The following TREM2 variants were observed in gnomAD, a reference collection of about 807,000 sequenced individuals.
TREM2 encodes triggering receptor expressed on monocytes 2.
Under a neutral mutation model 22.9 loss-of-function variants are expected in TREM2, and 20 were observed. The ratio of observed to expected loss-of-function variants is 0.87; its 90% CI spans 0.61 to 1.27. The LOEUF (loss-of-function observed/expected upper bound fraction) is 1.27. TREM2 is among the 50% of genes most tolerant of loss of function. TREM2 has a pLI of 0.00. For missense variants in TREM2, 267 were observed against 289.0 expected, an observed-to-expected ratio of 0.92 and a Z score of 0.55; for synonymous variants, 111 against 120.9, an observed-to-expected ratio of 0.92 and a Z score of 0.54.
intron 2 of TREM2, 52 bp downstream of exon 2, chr6:41,161,211 A>C (rs2113879785): frequency 6.4e-7 from 1 of 1,563,126 alleles, no homozygotes; most frequent in East Asian, 2.3e-5. Context: ...GACGCCCAAA[A>C]CATGAGGCCT....
chr6:41,161,266 C>G lies in TREM2; in HGVS notation c.388G>C (p.Ala130Pro). ...TLRKVLVEVL[A>P]DPLDHRDAGD... ...GAGGCAGCCACTGCCCACTCACCTG[C>G]CAGCACCTCCACCAGGACCTTCCTG... The change falls in exon 2 of 5, where the codon GCA (alanine) becomes CCA (proline). Residue 130 changes from alanine (A) to proline (P), a missense_variant. Ala to Pro is a conservative substitution (Grantham distance 27). Transcript: ENST00000373113. 6.2e-7 allele frequency: 1 copy of G among 1,613,676 alleles called. No individual in the cohort carries two copies. The highest frequency in any genetic ancestry group is 8.5e-7 in the Non-Finnish European group (1 of 1,179,800).
chr6:41,159,098 T>A (rs772742558), intron 3 of TREM2, 32 bp from the exon 4 acceptor site: 9 of 1,593,800 alleles, frequency 5.6e-6, no homozygotes, highest in Non-Finnish European at 4.3e-6. Flanking sequence ...ATGGGAGCCT[T>A]GAGATGGCCT....
chr6:41,159,968 G>T, intron 2 of TREM2, 86 bp from the exon 3 acceptor site: 1 of 1,074,388 alleles, frequency 9.3e-7, no homozygotes, highest in Non-Finnish European at 1.4e-6. Flanking sequence ...TATGGGTGGG[G>T]TGAGGTCCCC....
intron 1 of TREM2, among the ~76,000 whole-genome samples, chr6:41,161,843 A>G (rs1465923906): frequency 6.6e-6 from 1 of 152,104 alleles, no homozygotes; most frequent in Non-Finnish European, 1.5e-5. Context: ...TGGAGAAGTA[A>G]CTGACCTTCT....
chr6:41,158,667 A>G lies in TREM2; in HGVS notation c.*97T>C, dbSNP rs1439075848. On this transcript the variant is annotated 3_prime_UTR_variant, in exon 5 of 5. Coordinates refer to ENST00000373113, the MANE Select transcript of TREM2 (RefSeq NM_018965.4). ...TTCAGGCAGAGTAGTCTCTTGCCAGAGCAGAACAAGGAGTCCTGGTGGCCA... is the reference window on the plus strand; with the variant it reads ...TTCAGGCAGAGTAGTCTCTTGCCAGGGCAGAACAAGGAGTCCTGGTGGCCA... 5.6e-6 allele frequency: 9 copies of G among 1,611,940 alleles called. No individual in the cohort carries two copies. In the South Asian group the frequency reaches 9.9e-5, roughly 18 times the overall value.
At chr6:41,158,825 C>A in intron 4 of TREM2, 45 bp from the exon 5 acceptor site, 1 of 1,614,188 alleles carries the variant, frequency 6.2e-7, no homozygotes, top group Non-Finnish European at 8.5e-7. Flanking sequence ...GGCACCGCCT[C>A]CCATCCCTGC....
intron 2 of TREM2, 25 bp downstream of exon 2, chr6:41,161,238 A>G (rs773776996): frequency 4.4e-6 from 7 of 1,603,156 alleles, no homozygotes; most frequent in East Asian, 4.5e-5. Context: ...GGGGCAGGCC[A>G]GAGAGGCAGC....
chr6:41,158,956 C>T lies in TREM2; in HGVS notation c.593G>A (p.Trp198Ter), dbSNP rs1228661369. 1 of 1,614,204 alleles carries T rather than the reference C, an allele frequency of 6.2e-7. No individual in the cohort carries two copies. The highest frequency in any genetic ancestry group is 1.3e-5 in the African/African-American group (1 of 75,050). ...LAASALWAAA[W>*]HGQKPGTHPP... Reference sequence around the variant, plus strand: ...ATGTGTCCCTGGCTTCTGTCCATGCCAGGCTGCAGCCCAGAGGGCGCTGGC... The same window carrying T: ...ATGTGTCCCTGGCTTCTGTCCATGCTAGGCTGCAGCCCAGAGGGCGCTGGC... Residue 198 changes from tryptophan (W) to a stop codon, truncating the protein, a stop_gained, in exon 4 of 5, where the codon TGG (tryptophan) becomes TAG (stop). Coordinates refer to ENST00000373113, the MANE Select transcript of TREM2 (RefSeq NM_018965.4). LOFTEE classifies it high-confidence loss of function.
At chr6:41,159,199 C>T (rs1765496218) in intron 3 of TREM2, 133 bp from the exon 4 acceptor site, 1 of 1,117,604 alleles carries the variant, frequency 8.9e-7, no homozygotes, top group African/African-American at 1.6e-5. Context: ...CTGGGATGGG[C>T]CTTTTTGGAG....
rs753325601 is a variant in TREM2 at position 41,161,515 on chromosome 6, G to C, written c.139C>G (p.Arg47Gly). 6 of 1,614,034 alleles carry C rather than the reference G, an allele frequency of 3.7e-6. No homozygotes were observed. The highest frequency in any genetic ancestry group is 1.1e-5 in the South Asian group (1 of 91,090). The change falls in exon 2 of 5, where the codon CGC becomes GGC. Residue 47 changes from arginine (R) to glycine (G), a missense_variant. Physicochemically the swap from Arg to Gly is moderately radical, Grantham distance 125 (BLOSUM62 -2). Coordinates refer to ENST00000373113, the MANE Select transcript of TREM2 (RefSeq NM_018965.4). Reference sequence around the variant, plus strand: ...CCCAGCTGGCGGCACCAGGCCTTGCGCCTCCCCCAGTGCTTCATGGAGTCA... The same window carrying C: ...CCCAGCTGGCGGCACCAGGCCTTGCCCCTCCCCCAGTGCTTCATGGAGTCA... ...PYDSMKHWGR[R>G]KAWCRQLGEK... is the part of the protein sequence containing the mutation.
At chr6:41,162,743 C>T (rs1765600361) in intron 1 of TREM2, among the ~76,000 whole-genome samples, 1 of 152,172 alleles carries the variant, frequency 6.6e-6, no homozygotes, top group Non-Finnish European at 1.5e-5. Flanking sequence ...CCCCCAACTG[C>T]CAGCTAGTGC....
chr6:41,160,012 A>G (rs934622149), intron 2 of TREM2, 130 bp from the exon 3 acceptor site: 2 of 712,822 alleles, frequency 2.8e-6, no homozygotes, highest in Non-Finnish European at 5.0e-6. Flanking sequence ...AGGTCATTAC[A>G]CTCCATAAGC....
In TREM2 at chr6:41,158,893, T is replaced by C; in HGVS notation, c.656A>G (p.Tyr219Cys). 1 of 1,614,252 alleles carries C rather than the reference T, an allele frequency of 6.2e-7. No homozygotes were observed. The highest frequency in any genetic ancestry group is 8.5e-7 in the Non-Finnish European group (1 of 1,180,044). The change falls in exon 4 of 5, where the codon TAT becomes TGT. Residue 219 changes from tyrosine to cysteine, a missense_variant. Transcript: ENST00000373113. ...CCCACCTGGCAGAGTTTGGAGCTGA[T>C]ACCCTGGGTCATGGCCACAGTCCAG... ...SELDCGHDPG[Y>C]QLQTLPGLRD...
intron 2 of TREM2, 127 bp downstream of exon 2, chr6:41,161,136 G>A: frequency 1.1e-6 from 1 of 873,240 alleles, no homozygotes; most frequent in South Asian, 1.5e-5. Context: ...CCTGAGTAGG[G>A]AGATGAGACC....
chr6:41,161,948 C>T (rs192843429), intron 1 of TREM2, among the ~76,000 whole-genome samples: 1 of 151,854 alleles, frequency 6.6e-6, no homozygotes, highest in African/African-American at 2.4e-5. Context: ...CCTCTCCTCT[C>T]GGCCTGGGGC....
chr6:41,162,982 C>T, intron 1 of TREM2, 61 bp downstream of exon 1: 2 of 1,613,190 alleles, frequency 1.2e-6, no homozygotes, highest in Non-Finnish European at 1.7e-6. Context: ...ACCACCCGCG[C>T]CCCAACCACA....
chr6:41,158,857 T>C lies in TREM2; in HGVS notation c.676+16A>G. ...CTGCCCAGTCCACCCTTGATGGCTGTGCTCTCCAAGCCCACCTGGCAGAGT... is the reference window on the plus strand; with the variant it reads ...CTGCCCAGTCCACCCTTGATGGCTGCGCTCTCCAAGCCCACCTGGCAGAGT... On this transcript the variant is annotated intron_variant, in intron 4 of 4. Coordinates refer to ENST00000373113, the MANE Select transcript of TREM2 (RefSeq NM_018965.4). 6.2e-7 allele frequency: 1 copy of C among 1,614,212 alleles called. No individual in the cohort carries two copies. Among genetic ancestry groups the C allele is most frequent in the East Asian group, 2.2e-5 (1 of 44,884 alleles).
At chr6:41,158,805 G>A in intron 4 of TREM2, 25 bp from the exon 5 acceptor site, 1 of 1,614,186 alleles carries the variant, frequency 6.2e-7, no homozygotes, top group Non-Finnish European at 8.5e-7. Flanking sequence ...GGACTCATGT[G>A]GCCCCTCTCG....
At chr6:41,161,241 G>C (rs771412164) in intron 2 of TREM2, 22 bp downstream of exon 2, 1 of 1,604,726 alleles carries the variant, frequency 6.2e-7, no homozygotes, top group South Asian at 1.1e-5. Flanking sequence ...GCAGGCCAGA[G>C]AGGCAGCCAC....
Sources: gnomAD v4.1 joint callset for allele counts (sites outside exome capture counted in the v4.1 genomes callset) on GRCh38, gnomAD v4.1.1 for gene constraint, MANE v1.5 for transcripts, NCBI Gene and HGNC (gene_info 2026-07-23, HGNC 2026-07-21) for gene names.